CNTNAP2: variants seen among roughly 807,000 people sequenced by gnomAD.
The protein encoded by CNTNAP2 is contactin associated protein 2.
A neutral mutation model predicts 155.2 loss-of-function variants in CNTNAP2; 98 were observed. The ratio of observed to expected loss-of-function variants is 0.63; its 90% CI spans 0.54 to 0.75. The LOEUF (loss-of-function observed/expected upper bound fraction) is 0.75. CNTNAP2 is among the 30% of genes least tolerant of loss of function. CNTNAP2 has a pLI of 0.00. For synonymous variants in CNTNAP2, 651 were observed against 631.2 expected, an observed-to-expected ratio of 1.03 and a Z score of -0.47; for missense variants, 1,727 against 1,688.1, an observed-to-expected ratio of 1.02 and a Z score of -0.40.
chr7:146,970,441 C>T (rs1797762196), intron 3 of CNTNAP2, among the ~76,000 whole-genome samples: 1 of 152,032 alleles, frequency 6.6e-6, no homozygotes, highest in Admixed American at 6.6e-5. Flanking sequence ...ATTTATGCAG[C>T]CAAAAAATAC....
intron 1 of CNTNAP2, among the ~76,000 whole-genome samples, chr7:146,185,244 A>G (rs1282283689): frequency 6.6e-6 from 1 of 152,160 alleles, no homozygotes; most frequent in Non-Finnish European, 1.5e-5. Context: ...TGAAAAAAAA[A>G]TACTACTTTT....
At chr7:146,625,698 T>A (rs1219864607) in intron 1 of CNTNAP2, among the ~76,000 whole-genome samples, 1 of 152,082 alleles carries the variant, frequency 6.6e-6, no homozygotes, top group African/African-American at 2.4e-5. Flanking sequence ...ATTATTTGGT[T>A]GTTAACATGC....
At chr7:146,786,759 T>C (rs1802581399) in intron 2 of CNTNAP2, 1 of 152,246 alleles carries the variant, frequency 6.6e-6, no homozygotes, top group Non-Finnish European at 1.5e-5. Flanking sequence ...TATTATGATT[T>C]TCTTAGCAAG....
chr7:148,268,281 C>T (rs1290003739), intron 21 of CNTNAP2, among the ~76,000 whole-genome samples: 1 of 152,020 alleles, frequency 6.6e-6, no homozygotes, highest in African/African-American at 2.4e-5. Flanking sequence ...ATCAGAATAG[C>T]ATTAATGGTA....
At position 147,668,721 on chromosome 7, in the gene CNTNAP2, AAG is replaced by A. The variant is rs1360158049; in HGVS notation, c.2098+29418_2098+29419del. On this transcript the variant is annotated intron_variant, in intron 13 of 23. Coordinates refer to ENST00000361727, the MANE Select transcript of CNTNAP2 (RefSeq NM_014141.6). ...TTGTGTTTCAAGCTAAGTGTGATAAAAGAGTAAAAAATAATTAAAATTTATAA... is the reference window on the plus strand; with the variant it reads ...TTGTGTTTCAAGCTAAGTGTGATAAAAGTAAAAAATAATTAAAATTTATAA... Among the ~76,000 whole-genome samples the A allele has an allele frequency of 5.3e-5, 8 of 152,272 alleles. No individual in the cohort carries two copies. The East Asian group carries it at 1.5e-3, about 29-fold the overall frequency.
intron 16 of CNTNAP2, among the ~76,000 whole-genome samples, chr7:148,120,658 A>G (rs892250414): frequency 6.6e-6 from 1 of 152,206 alleles, no homozygotes; most frequent in African/African-American, 2.4e-5. Context: ...CATGGTTCAC[A>G]GTATGAATTA....
At chr7:146,858,529 A>G (rs1381672253) in intron 3 of CNTNAP2, among the ~76,000 whole-genome samples, 1 of 152,178 alleles carries the variant, frequency 6.6e-6, no homozygotes, top group African/African-American at 2.4e-5. Flanking sequence ...CCGTGTTTCT[A>G]CAAATAATGC....
intron 1 of CNTNAP2, among the ~76,000 whole-genome samples, chr7:146,287,508 T>C (rs1338015764): frequency 6.6e-6 from 1 of 152,170 alleles, no homozygotes; most frequent in Non-Finnish European, 1.5e-5. Flanking sequence ...TGCAAAGATA[T>C]GAGCTTATTT....
At chr7:147,565,483 A>G (rs1185803662) in intron 12 of CNTNAP2, among the ~76,000 whole-genome samples, 1 of 152,186 alleles carries the variant, frequency 6.6e-6, no homozygotes, top group Non-Finnish European at 1.5e-5. Flanking sequence ...GGGCTTCTAT[A>G]AGAGACAGCA....
intron 15 of CNTNAP2, among the ~76,000 whole-genome samples, chr7:148,039,418 C>A (rs1802628665): frequency 6.6e-6 from 1 of 152,118 alleles, no homozygotes; most frequent in South Asian, 2.1e-4. Flanking sequence ...CAATTCACAC[C>A]CCAATCTCCT....
At chr7:146,385,079 G>C (rs1161146880) in intron 1 of CNTNAP2, among the ~76,000 whole-genome samples, 1 of 152,110 alleles carries the variant, frequency 6.6e-6, no homozygotes, top group East Asian at 1.9e-4. Flanking sequence ...ATGTTAAGCT[G>C]AACTCAACTT....
chr7:146,582,145 A>G (rs1226894098), intron 1 of CNTNAP2, among the ~76,000 whole-genome samples: 1 of 152,190 alleles, frequency 6.6e-6, no homozygotes, highest in East Asian at 1.9e-4. Flanking sequence ...ATCTACCATC[A>G]CAGAAAAAGT....
rs532580535 is a variant in CNTNAP2, at chr7:148,321,888, T to C, written c.3475+54762T>C. On this transcript the variant is annotated intron_variant, in intron 21 of 23. Coordinates refer to ENST00000361727, the MANE Select transcript of CNTNAP2 (RefSeq NM_014141.6). ...ATTCTAGCTGAGGTTCTTAGAACTA[T>C]AAATTCTTCTTTTTTTTTTTTTTTC... Among the ~76,000 whole-genome samples, 7 of 151,062 alleles carry C rather than the reference T, an allele frequency of 4.6e-5. No homozygotes were observed. The East Asian group carries it at 1.2e-3, about 25-fold the overall frequency.
intron 1 of CNTNAP2, among the ~76,000 whole-genome samples, chr7:146,243,637 T>C (rs1193890273): frequency 6.6e-6 from 1 of 152,166 alleles, no homozygotes; most frequent in African/African-American, 2.4e-5. Flanking sequence ...TGGATATAGA[T>C]GTGGGTTCGA....
intron 1 of CNTNAP2, among the ~76,000 whole-genome samples, chr7:146,462,977 T>C (rs73462759): frequency 0.027 from 4,165 of 152,190 alleles, 139 homozygotes; most frequent in African/African-American, 0.074. Context: ...GAGGAAACAA[T>C]GCATCAGACA....
intron 13 of CNTNAP2, among the ~76,000 whole-genome samples, chr7:147,749,521 T>C (rs1331466984): frequency 6.6e-6 from 1 of 152,216 alleles, no homozygotes; most frequent in Non-Finnish European, 1.5e-5. Flanking sequence ...TTGTAGCATT[T>C]CTATCCATAA....
At chr7:146,238,589 A>G (rs2116924295) in intron 1 of CNTNAP2, among the ~76,000 whole-genome samples, 1 of 152,292 alleles carries the variant, frequency 6.6e-6, no homozygotes, top group South Asian at 2.1e-4. Flanking sequence ...TTTATGAGTG[A>G]GGAAAAAAAA....
rs1797490091 is a variant in CNTNAP2 at position 146,116,847 on chromosome 7, C to G, written c.-30C>G. The G allele has an allele frequency of 2.0e-6, 3 of 1,529,574 alleles. No individual in the cohort carries two copies. Among genetic ancestry groups the G allele is most frequent in the Admixed American group, 2.0e-5 (1 of 50,658 alleles). The allele number at this position is 1,529,574 out of a possible 1,614,324, so 94.8% of individuals were successfully genotyped here. Reference sequence around the variant, plus strand: ...TCGGACTGCATCTCCGCAGCGAGCTCTTGGAGCGCCGCCGGCCGGGAGGCG... The same window carrying G: ...TCGGACTGCATCTCCGCAGCGAGCTGTTGGAGCGCCGCCGGCCGGGAGGCG... On this transcript the variant is annotated 5_prime_UTR_variant, in exon 1 of 24. Coordinates refer to ENST00000361727, the MANE Select transcript of CNTNAP2 (RefSeq NM_014141.6). This position sits in a 1 kb window ranked among gnomAD's most constrained non-coding sequence, Gnocchi z 5.5.
chr7:148,021,561 A>G (rs1802279204), intron 15 of CNTNAP2, among the ~76,000 whole-genome samples: 1 of 152,230 alleles, frequency 6.6e-6, no homozygotes, highest in African/African-American at 2.4e-5. Flanking sequence ...GGGAGAACGG[A>G]AGGCCTCGTG....
Sources: allele counts gnomAD v4.1 joint callset (sites outside exome capture counted in the v4.1 genomes callset), GRCh38; gene constraint gnomAD v4.1.1; non-coding constraint Gnocchi (gnomAD v3.1); transcripts MANE v1.5; gene names NCBI Gene and HGNC (gene_info 2026-07-23, HGNC 2026-07-21).